CRB1: variants seen among roughly 807,000 people sequenced by gnomAD.
CRB1 encodes the protein protein crumbs homolog 1.
Under a neutral mutation model 120.0 loss-of-function variants are expected in CRB1, and 83 were observed. That is an observed-to-expected ratio of 0.69 (90% CI 0.58 to 0.83). CRB1 has a LOEUF of 0.83. Among genes scored for constraint, CRB1 ranks in the 40% least tolerant of loss-of-function variants. CRB1 has a pLI of 0.00. For missense variants in CRB1, 1,699 were observed against 1,687.6 expected (o/e 1.01, Z -0.12); for synonymous variants, 625 against 612.5 (o/e 1.02, Z -0.30).
chr1:197,231,011 G>A, the CRB1 span, among the ~76,000 whole-genome samples: 1 of 152,124 alleles, frequency 6.6e-6, no homozygotes, highest in African/African-American at 2.4e-5. Context: ...AAACTATTAA[G>A]TGTTATACAA....
At chr1:197,460,969 G>C (rs1268274909) in intron 11 of CRB1, among the ~76,000 whole-genome samples, 5 of 152,124 alleles carry the variant, frequency 3.3e-5, no homozygotes, top group Non-Finnish European at 1.5e-5. Flanking sequence ...TGTAAATTTT[G>C]CTCTACGGCC....
intron 5 of CRB1, among the ~76,000 whole-genome samples, chr1:197,366,516 T>C (rs1012873836): frequency 1.3e-5 from 2 of 152,224 alleles, no homozygotes; most frequent in African/African-American, 4.8e-5. Flanking sequence ...ATTGAAAATA[T>C]TTGCATATGT....
intron 1 of CRB1, 72 bp from the exon 2 acceptor site, chr1:197,328,350 G>C: frequency 7.8e-7 from 1 of 1,279,612 alleles, no homozygotes; most frequent in Non-Finnish European, 1.1e-6. Context: ...GCAGCACAAA[G>C]GTCACAAAGA....
intron 1 of CRB1, among the ~76,000 whole-genome samples, chr1:197,296,723 G>A (rs1237396527): frequency 6.6e-6 from 1 of 151,984 alleles, no homozygotes; most frequent in East Asian, 1.9e-4. Flanking sequence ...GGAGGGGCCT[G>A]GTGGGAGATA....
chr1:197,205,185 TATC>T, the CRB1 span, among the ~76,000 whole-genome samples: 6 of 152,158 alleles, frequency 3.9e-5, no homozygotes, highest in African/African-American at 1.4e-4. Flanking sequence ...GTTTTCTAGG[TATC>T]ATATCATCAG....
the CRB1 span, among the ~76,000 whole-genome samples, chr1:197,211,767 A>G: frequency 1.3e-5 from 2 of 152,022 alleles, no homozygotes; most frequent in African/African-American, 2.4e-5. Flanking sequence ...ATTAATCTAT[A>G]GAATTAAAGA....
rs80074270 is a variant in CRB1, at chr1:197,331,303, G to C, written c.652+2300G>C. 3.1e-4 allele frequency among the ~76,000 whole-genome samples: 47 copies of C among 152,178 alleles called. No individual in the cohort carries two copies. The East Asian group carries it at 8.3e-3, about 27-fold the overall frequency. ...GCACCCTTCCCCATCCTGAAACTCAGGTAAATGAATATTAAATAAGAATTC... is the reference window on the plus strand; with the variant it reads ...GCACCCTTCCCCATCCTGAAACTCACGTAAATGAATATTAAATAAGAATTC... On this transcript the variant is annotated intron_variant, in intron 2 of 11. Transcript: ENST00000367400.
intron 1 of CRB1, among the ~76,000 whole-genome samples, chr1:197,283,424 C>T (rs1327742775): frequency 4.0e-5 from 6 of 151,670 alleles, no homozygotes; most frequent in African/African-American, 9.7e-5. Flanking sequence ...CCCCAAAGTC[C>T]GTTGTATCAT....
At chr1:197,366,759 G>A (rs146388596) in intron 5 of CRB1, among the ~76,000 whole-genome samples, 9 of 152,176 alleles carry the variant, frequency 5.9e-5, no homozygotes, top group Admixed American at 6.5e-5. Flanking sequence ...ATTTCCAGCC[G>A]GTAAAGCAAG....
At chr1:197,302,134 G>C (rs1329785435) in intron 1 of CRB1, among the ~76,000 whole-genome samples, 2 of 152,116 alleles carry the variant, frequency 1.3e-5, no homozygotes, top group Non-Finnish European at 2.9e-5. Context: ...TTATTGTTTT[G>C]TTTTAAGAAA....
chr1:197,264,932 T>C (rs1382366918), upstream of CRB1, among the ~76,000 whole-genome samples: 2 of 152,080 alleles, frequency 1.3e-5, no homozygotes, highest in African/African-American at 4.8e-5. Flanking sequence ...GCCAGAACAG[T>C]GCATTCTTTG....
intron 1 of CRB1, among the ~76,000 whole-genome samples, chr1:197,311,740 TG>T (rs1657537447): frequency 2.1e-5 from 3 of 144,448 alleles, no homozygotes; most frequent in Non-Finnish European, 4.5e-5. Context: ...TGTGTGTGTG[TG>T]TGTGTTGAGA....
chr1:197,385,335 A>G (rs1258067050), intron 5 of CRB1, among the ~76,000 whole-genome samples: 2 of 152,164 alleles, frequency 1.3e-5, no homozygotes, highest in African/African-American at 4.8e-5. Flanking sequence ...ATGTAAATAG[A>G]CAAATGAGGC....
At chr1:197,213,405 G>A in the CRB1 span, among the ~76,000 whole-genome samples, 3 of 152,270 alleles carry the variant, frequency 2.0e-5, no homozygotes, top group South Asian at 6.2e-4. Flanking sequence ...TGATTAGAAA[G>A]CAGCTGCTGA....
intron 11 of CRB1, among the ~76,000 whole-genome samples, chr1:197,475,763 A>G (rs1477171678): frequency 6.6e-6 from 1 of 151,720 alleles, no homozygotes; most frequent in East Asian, 1.9e-4. Flanking sequence ...ATACACATTC[A>G]TGGTCAATGT....
chr1:197,430,520 C>T (rs1451100511), intron 8 of CRB1, among the ~76,000 whole-genome samples: 2 of 152,144 alleles, frequency 1.3e-5, no homozygotes, highest in African/African-American at 4.8e-5. Context: ...CCGCAATATG[C>T]TTCTGATATT....
intron 5 of CRB1, among the ~76,000 whole-genome samples, chr1:197,370,053 C>G (rs28553459): frequency 0.087 from 13,157 of 152,088 alleles, 645 homozygotes; most frequent in African/African-American, 0.1. Flanking sequence ...AACTGAGCCT[C>G]ATAAATGAAG....
At chr1:197,215,125 A>G in the CRB1 span, among the ~76,000 whole-genome samples, 2 of 152,200 alleles carry the variant, frequency 1.3e-5, no homozygotes, top group Admixed American at 6.5e-5. Context: ...ACATTCTTCA[A>G]TGATAAAAAC....
the CRB1 span, among the ~76,000 whole-genome samples, chr1:197,243,556 G>A: frequency 8.8e-4 from 134 of 152,036 alleles, no homozygotes; most frequent in African/African-American, 3.0e-3. Context: ...TATGATTTCC[G>A]TTCTTTTGCA....
Sources: gnomAD v4.1 joint callset for allele counts (sites outside exome capture counted in the v4.1 genomes callset) on GRCh38, gnomAD v4.1.1 for gene constraint, MANE v1.5 for transcripts, NCBI Gene and HGNC (gene_info 2026-07-23, HGNC 2026-07-21) for gene names.